The following CCDC7 variants were observed in gnomAD, a reference collection of about 807,000 sequenced individuals.
CCDC7 encodes the protein coiled-coil domain containing 7.
Under a neutral mutation model 196.9 loss-of-function variants are expected in CCDC7, and 183 were observed. The ratio of observed to expected loss-of-function variants is 0.93; its 90% CI spans 0.82 to 1.05. The LOEUF (loss-of-function observed/expected upper bound fraction) is 1.05. Ranked by LOEUF, CCDC7 falls within the 50% of genes least tolerant of loss-of-function variation. CCDC7 has a pLI of 0.00. For missense variants in CCDC7, 1,540 were observed against 1,482.2 expected (o/e 1.04, Z -0.64); for synonymous variants, 525 against 484.6 (o/e 1.08, Z -1.10).
chr10:32,787,717 G>A (rs2082088479), intron 29 of CCDC7, among the ~76,000 whole-genome samples: 1 of 152,110 alleles, frequency 6.6e-6, no homozygotes, highest in Admixed American at 6.5e-5. Context: ...GCCAGCTCCT[G>A]TGGCTCTAGG....
intron 8 of CCDC7, among the ~76,000 whole-genome samples, chr10:32,485,794 T>TAA (rs2040945046): frequency 6.6e-6 from 1 of 152,222 alleles, no homozygotes; most frequent in African/African-American, 2.4e-5. Flanking sequence ...AGTTTCCATG[T>TAA]AGTTGAGCAG....
chr10:32,528,346 C>G (rs147907288), intron 11 of CCDC7, among the ~76,000 whole-genome samples: 1 of 151,504 alleles, frequency 6.6e-6, no homozygotes, highest in Non-Finnish European at 1.5e-5. Flanking sequence ...GAGATTTTGG[C>G]GCATCCATCA....
At chr10:32,808,525 A>G (rs2086349378) in intron 30 of CCDC7, among the ~76,000 whole-genome samples, 1 of 152,142 alleles carries the variant, frequency 6.6e-6, no homozygotes, top group Non-Finnish European at 1.5e-5. Flanking sequence ...TATTGCCCAC[A>G]TCATGTACAC....
At chr10:32,526,982 A>G (rs2048774187) in intron 11 of CCDC7, among the ~76,000 whole-genome samples, 2 of 152,114 alleles carry the variant, frequency 1.3e-5, no homozygotes, top group African/African-American at 4.8e-5. Context: ...CAAATAGTCT[A>G]GAAATTGCAG....
chr10:32,873,606 C>T (rs2094504569), intron 41 of CCDC7, among the ~76,000 whole-genome samples: 1 of 151,836 alleles, frequency 6.6e-6, no homozygotes, highest in Non-Finnish European at 1.5e-5. Flanking sequence ...GTCTGTACCA[C>T]ATTTTGTTTA....
chr10:32,549,056 G>T (rs532271021), intron 13 of CCDC7, among the ~76,000 whole-genome samples: 4 of 152,080 alleles, frequency 2.6e-5, no homozygotes, highest in Non-Finnish European at 5.9e-5. Context: ...TCTGATCACC[G>T]CATCCACACC....
intron 30 of CCDC7, among the ~76,000 whole-genome samples, chr10:32,810,597 T>G (rs978914534): frequency 6.6e-6 from 1 of 152,140 alleles, no homozygotes; most frequent in Non-Finnish European, 1.5e-5. Flanking sequence ...TTCTCAGCAT[T>G]AGACAGATTG....
chr10:32,873,870 C>G (rs1360906071), intron 41 of CCDC7, among the ~76,000 whole-genome samples: 5 of 151,928 alleles, frequency 3.3e-5, no homozygotes, highest in African/African-American at 1.2e-4. Flanking sequence ...TCTCATTTAT[C>G]TATGTCCTTG....
rs191627973 is a variant in CCDC7 at position 32,681,649 on chromosome 10, T to C, written c.2123-4321T>C. ...AATCTCTATGATAATTGCCAGGTAG[T>C]GCCTTTGTAACTGTCCATAATTGGA... On this transcript the variant is annotated intron_variant, in intron 21 of 41. Coordinates refer to ENST00000639629, the Ensembl canonical transcript of CCDC7. Among the ~76,000 whole-genome samples the C allele has an allele frequency of 5.5e-3, 842 of 152,014 alleles. 13 individuals carry two copies. The highest frequency in any genetic ancestry group is 0.028 in the Admixed American group (421 of 15,256).
chr10:32,474,128 A>G (rs746976364), intron 8 of CCDC7, 105 bp downstream of exon 9: 160 of 991,080 alleles, frequency 1.6e-4, no homozygotes, highest in Non-Finnish European at 2.0e-4. Context: ...CTTGCCTTGG[A>G]GTTTGGAGCC....
At chr10:32,853,099 T>C (rs972556397) in intron 40 of CCDC7, among the ~76,000 whole-genome samples, 5 of 152,136 alleles carry the variant, frequency 3.3e-5, no homozygotes, top group Non-Finnish European at 7.4e-5. Flanking sequence ...ACTTGTTACT[T>C]CATATCACCT....
At chr10:32,444,824 G>C (rs1442000976), upstream of CCDC7, among the ~76,000 whole-genome samples, 2 of 151,074 alleles carry the variant, frequency 1.3e-5, no homozygotes, top group East Asian at 3.9e-4. Context: ...ATACTGAAAA[G>C]TGCATAAATA....
intron 33 of CCDC7, among the ~76,000 whole-genome samples, chr10:32,836,919 T>G (rs899765367): frequency 3.3e-5 from 5 of 152,052 alleles, no homozygotes; most frequent in African/African-American, 1.2e-4. Context: ...ATACAAAAAT[T>G]AATTCAAGAT....
intron 18 of CCDC7, among the ~76,000 whole-genome samples, chr10:32,618,551 A>G (rs1007277499): frequency 6.6e-6 from 1 of 152,022 alleles, no homozygotes; most frequent in Non-Finnish European, 1.5e-5. Context: ...TTCTTGATTT[A>G]TGAAGCTTCT....
chr10:32,517,921 C>A, intron 9 of CCDC7, 24 bp from the exon 11 acceptor site: 1 of 1,585,412 alleles, frequency 6.3e-7, no homozygotes. Context: ...ATTATAAACA[C>A]ACTTTTTTTG....
chr10:32,493,970 T>G (rs2042524120), intron 9 of CCDC7, among the ~76,000 whole-genome samples: 1 of 152,342 alleles, frequency 6.6e-6, no homozygotes, highest in South Asian at 2.1e-4. Flanking sequence ...TGCAAATATT[T>G]TCTCCCATTC....
At chr10:32,832,160 AC>A (rs1338494191) in intron 32 of CCDC7, among the ~76,000 whole-genome samples, 1 of 152,208 alleles carries the variant, frequency 6.6e-6, no homozygotes, top group African/African-American at 2.4e-5. Flanking sequence ...GTGTAACCAT[AC>A]AAAAGTTAAT....
rs540547261 is a variant in CCDC7 at position 32,664,372 on chromosome 10, A to G, written c.2122+211A>G. ...CTTGTTATTTTTTTATATTGAGAAG[A>G]CTTAAAATTTCTCTTAGCAATTTTG... On this transcript the variant is annotated intron_variant, in intron 21 of 41. Transcript: ENST00000639629. Among the ~76,000 whole-genome samples, 111 of 152,154 alleles carry G rather than the reference A, an allele frequency of 7.3e-4. 1 individual carries two copies. Among genetic ancestry groups the G allele is most frequent in the Middle Eastern group, 3.4e-3 (1 of 294 alleles).
intron 24 of CCDC7, among the ~76,000 whole-genome samples, chr10:32,707,857 G>C (rs1263171558): frequency 6.6e-5 from 10 of 152,122 alleles, no homozygotes; most frequent in Non-Finnish European, 1.2e-4. Flanking sequence ...CCATACTCAT[G>C]GGCAGGAAGA....
Sources: gnomAD v4.1 joint callset for allele counts (sites outside exome capture counted in the v4.1 genomes callset) on GRCh38, gnomAD v4.1.1 for gene constraint, MANE v1.5 for transcripts, NCBI Gene and HGNC (gene_info 2026-07-23, HGNC 2026-07-21) for gene names.